The following PRKN variants were observed in gnomAD, a reference collection of about 807,000 sequenced individuals.
PRKN encodes E3 ubiquitin-protein ligase parkin.
In PRKN, 56 loss-of-function variants were observed where a neutral mutation model predicts 59.5. That is an observed-to-expected ratio of 0.94 (90% CI 0.76 to 1.18). The LOEUF is 1.18. Among genes scored for constraint, PRKN ranks in the 50% most tolerant of loss-of-function variants. The pLI is 0.00. For synonymous variants in PRKN, 250 were observed against 222.1 expected, an observed-to-expected ratio of 1.13 and a Z score of -1.12; for missense variants, 657 against 596.4, an observed-to-expected ratio of 1.10 and a Z score of -1.06.
intron 4 of PRKN, among the ~76,000 whole-genome samples, chr6:162,080,300 A>C (rs1311740063): frequency 6.6e-6 from 1 of 152,138 alleles, no homozygotes; most frequent in African/African-American, 2.4e-5. Context: ...TAAAATAAGA[A>C]ATAGTATCAG....
At chr6:162,012,730 C>T (rs891918867) in intron 5 of PRKN, among the ~76,000 whole-genome samples, 2 of 152,288 alleles carry the variant, frequency 1.3e-5, no homozygotes, top group Non-Finnish European at 2.9e-5. Flanking sequence ...TTTTCATGTA[C>T]TTTCAGTCCC....
chr6:162,387,056 AT>A (rs1786865116), intron 2 of PRKN, among the ~76,000 whole-genome samples: 1 of 152,080 alleles, frequency 6.6e-6, no homozygotes, highest in Non-Finnish European at 1.5e-5. Flanking sequence ...ATATAGATTC[AT>A]TTATTTATTT....
intron 9 of PRKN, among the ~76,000 whole-genome samples, chr6:161,422,429 C>G (rs1788146579): frequency 6.6e-6 from 1 of 152,048 alleles, no homozygotes; most frequent in South Asian, 2.1e-4. Context: ...GAACTCCTGA[C>G]CTCAAGTGAT....
chr6:162,615,009 G>A (rs944974629), intron 1 of PRKN, among the ~76,000 whole-genome samples: 1 of 152,190 alleles, frequency 6.6e-6, no homozygotes. Flanking sequence ...GATTGGATAT[G>A]ACAGTAATTA....
At chr6:161,711,786 T>G (rs1421793220) in intron 7 of PRKN, among the ~76,000 whole-genome samples, 1 of 152,170 alleles carries the variant, frequency 6.6e-6, no homozygotes, top group Non-Finnish European at 1.5e-5. Flanking sequence ...TCTTCCAGCC[T>G]TCATCTTTCT....
chr6:161,798,700 G>T (rs1790953962), intron 6 of PRKN, among the ~76,000 whole-genome samples: 1 of 152,176 alleles, frequency 6.6e-6, no homozygotes, highest in African/African-American at 2.4e-5. Flanking sequence ...ATTCCAGGAA[G>T]ATCAGAAAAG....
intron 4 of PRKN, among the ~76,000 whole-genome samples, chr6:162,178,879 G>GT (rs1331895097): frequency 1.3e-5 from 2 of 152,096 alleles, no homozygotes; most frequent in African/African-American, 2.4e-5. Context: ...TTGTTTGCTT[G>GT]TTTGTTTTGA....
chr6:161,734,439 G>A (rs923248788), intron 7 of PRKN, among the ~76,000 whole-genome samples: 6 of 152,110 alleles, frequency 3.9e-5, no homozygotes, highest in Non-Finnish European at 7.3e-5. Flanking sequence ...GTATTGTGTG[G>A]AGCCACCTGT....
intron 6 of PRKN, among the ~76,000 whole-genome samples, chr6:161,902,564 A>ATCTATTTTTT (rs1242030157): frequency 8.9e-6 from 1 of 112,046 alleles, no homozygotes; most frequent in Non-Finnish European, 1.8e-5. Flanking sequence ...TTATTTATTT[A>ATCTATTTTTT]TTTTTTTTTT....
At chr6:162,410,462 G>A (rs912105860) in intron 2 of PRKN, among the ~76,000 whole-genome samples, 1 of 152,132 alleles carries the variant, frequency 6.6e-6, no homozygotes, top group Non-Finnish European at 1.5e-5. Context: ...GCCTCCCTTG[G>A]GGAAGAAGGG....
At chr6:162,442,293 C>T (rs1790094679) in intron 2 of PRKN, among the ~76,000 whole-genome samples, 1 of 152,174 alleles carries the variant, frequency 6.6e-6, no homozygotes, top group Non-Finnish European at 1.5e-5. Context: ...AGGAGCCCCC[C>T]TGCGCGGAGC....
rs1370037524 is a variant in PRKN at position 161,395,234 on chromosome 6, G to A, written c.1084-8357C>T. Among the ~76,000 whole-genome samples the A allele has an allele frequency of 6.6e-6, 1 of 152,086 alleles. No homozygotes were observed. Among genetic ancestry groups the A allele is most frequent in the Non-Finnish European group, 1.5e-5 (1 of 68,034 alleles). On this transcript the variant is annotated intron_variant, in intron 9 of 11. Coordinates refer to ENST00000366898, the MANE Select transcript of PRKN (RefSeq NM_004562.3). The surrounding 1 kb of genome is among the most constrained non-coding windows in gnomAD (Gnocchi z 5.0). Reference sequence around the variant, plus strand: ...TACCCTATAAAACATTGTATAATGTGCTGTACTCTGCTTGTTGGTTTTTCG... The same window carrying A: ...TACCCTATAAAACATTGTATAATGTACTGTACTCTGCTTGTTGGTTTTTCG...
At chr6:162,003,633 G>C (rs1346749403) in intron 5 of PRKN, among the ~76,000 whole-genome samples, 1 of 152,034 alleles carries the variant, frequency 6.6e-6, no homozygotes, top group Non-Finnish European at 1.5e-5. Flanking sequence ...GAGGGTATTC[G>C]TTCATTTTTA....
intron 1 of PRKN, among the ~76,000 whole-genome samples, chr6:162,605,124 C>A (rs1253390339): frequency 1.3e-5 from 2 of 152,092 alleles, no homozygotes; most frequent in Non-Finnish European, 2.9e-5. Flanking sequence ...TCCTTTACTT[C>A]TAGCTTAATA....
intron 2 of PRKN, among the ~76,000 whole-genome samples, chr6:162,394,962 G>A (rs1787398909): frequency 6.6e-6 from 1 of 152,202 alleles, no homozygotes; most frequent in South Asian, 2.1e-4. Flanking sequence ...AAAGCCAGGG[G>A]TTGTCTTATT....
Position 161,548,649 on chromosome 6 carries a change from A to G in PRKN, c.1083+205T>C, listed in dbSNP as rs1047334106. On this transcript the variant is annotated intron_variant, in intron 9 of 11. Transcript: ENST00000366898. The surrounding 1 kb of genome is among the most constrained non-coding windows in gnomAD (Gnocchi z 4.2). Reference sequence around the variant, plus strand: ...AGCAACCAAAGCAGAAAATCTTCATATAACTGTTTTCACCAAAATAAATAC... The same window carrying G: ...AGCAACCAAAGCAGAAAATCTTCATGTAACTGTTTTCACCAAAATAAATAC... 2.1e-5 allele frequency: 12 copies of G among 579,966 alleles called. No homozygotes were observed. The highest frequency in any genetic ancestry group is 1.5e-4 in the African/African-American group (8 of 53,440). 35.9% of individuals were successfully genotyped at this position (579,966 alleles called of 1,614,324 possible). A position where few individuals can be genotyped will look rare whatever the true frequency, so the allele number is the denominator to read the frequency against.
Position 162,727,696 on chromosome 6 carries a change from C to A in PRKN, c.-28G>T, listed in dbSNP as rs767676008. ...TCACTGGGTAGGTGGCGGCTGCGGG[C>A]CAGGAACAGGCCCATGCGCGCAGCG... On this transcript the variant is annotated 5_prime_UTR_variant, in exon 1 of 12. Coordinates refer to ENST00000366898, the MANE Select transcript of PRKN (RefSeq NM_004562.3). 3.6e-5 allele frequency: 57 copies of A among 1,567,328 alleles called. No individual in the cohort carries two copies. In the South Asian group the frequency reaches 5.7e-4, roughly 16 times the overall value.
At chr6:162,154,762 T>C (rs1023722378) in intron 4 of PRKN, among the ~76,000 whole-genome samples, 4 of 152,032 alleles carry the variant, frequency 2.6e-5, no homozygotes, top group Admixed American at 1.3e-4. Flanking sequence ...ATCAAAACAA[T>C]TCATAATATT....
intron 7 of PRKN, among the ~76,000 whole-genome samples, chr6:161,580,408 A>G (rs550014360): frequency 2.8e-4 from 43 of 152,276 alleles, no homozygotes; most frequent in Non-Finnish European, 5.0e-4. Flanking sequence ...AAGCAATTCC[A>G]GACAGTTAAA....
Sources: allele counts gnomAD v4.1 joint callset (sites outside exome capture counted in the v4.1 genomes callset), GRCh38; gene constraint gnomAD v4.1.1; non-coding constraint Gnocchi (gnomAD v3.1); transcripts MANE v1.5; gene names NCBI Gene and HGNC (gene_info 2026-07-23, HGNC 2026-07-21).